ZNF516: variants seen among roughly 807,000 people sequenced by gnomAD.
ZNF516 encodes zinc finger protein 516.
A neutral mutation model predicts 79.7 loss-of-function variants in ZNF516; 19 were observed. The observed-to-expected ratio is 0.24, with a 90% CI of 0.17 to 0.35. The LOEUF (loss-of-function observed/expected upper bound fraction) is 0.35, where lower values mean the gene tolerates loss of function less well. Ranked by LOEUF, ZNF516 falls within the 10% of genes least tolerant of loss-of-function variation. The pLI is 1.00. For synonymous variants in ZNF516, 877 were observed against 739.5 expected, an observed-to-expected ratio of 1.19 and a Z score of -3.02; for missense variants, 1,678 against 1,679.5, an observed-to-expected ratio of 1.00 and a Z score of 0.02.
rs760947870 is a variant in ZNF516 at position 76,443,016 on chromosome 18, T to C, written c.39A>G (p.Arg13=). 40 of 1,598,142 alleles carry C rather than the reference T, an allele frequency of 2.5e-5. No homozygotes were observed. The highest frequency in any genetic ancestry group is 5.1e-5 in the Admixed American group (3 of 59,346). ...GGCCGGCCCTGGTGGGGCTGGGGCC[T>C]CGCCTCAGCTCCATCTCGGCCTCTC... ...RNREAEMELR[R]GPSPTRAGRG... Residue 13 remains arginine (R), a synonymous_variant, in exon 3 of 7, where the codon CGA becomes CGG. Coordinates refer to ENST00000443185, the MANE Select transcript of ZNF516 (RefSeq NM_014643.4).
At position 76,371,479 on chromosome 18, in the gene ZNF516, G is replaced by C. The variant is rs374264106; in HGVS notation, c.3352C>G (p.Arg1118Gly). Residue 1118 changes from arginine (R) to glycine (G), a missense_variant, in exon 5 of 7, where the codon CGG (arginine) becomes GGG (glycine). Physicochemically the swap from Arg to Gly is moderately radical, Grantham distance 125. This residue lies in a region of ZNF516 where 1,294 missense variants were observed against 1,248.3 expected (regional missense o/e 1.04). Coordinates refer to ENST00000443185, the MANE Select transcript of ZNF516 (RefSeq NM_014643.4). ...GGGAGGGCGATACCTGAGTGTGCCC[G>C]CATGTGGGCCCTGAGGTGGCCGGGC... ...HQPGHLRAHM[R>G]AHSVVFESDG... 2.0e-4 allele frequency: 318 copies of C among 1,607,546 alleles called. 3 individuals are homozygous for C. The East Asian group carries it at 5.4e-3, about 27-fold the overall frequency.
rs147369886 is a variant in ZNF516, at chr18:76,457,169, A to G, written c.-158+5859T>C. On this transcript the variant is annotated intron_variant, in intron 2 of 6. Coordinates refer to ENST00000443185, the MANE Select transcript of ZNF516 (RefSeq NM_014643.4). ...ATTACACCACATGTATGTGGCAAAGAAAATGATCTACAAATGCTCCTTGCA... is the reference window on the plus strand; with the variant it reads ...ATTACACCACATGTATGTGGCAAAGGAAATGATCTACAAATGCTCCTTGCA... 1.3e-3 allele frequency among the ~76,000 whole-genome samples: 192 copies of G among 152,376 alleles called. 2 individuals are homozygous for G. The highest frequency in any genetic ancestry group is 4.2e-3 in the African/African-American group (175 of 41,592).
At chr18:76,480,867 GAA>G (rs1914486193) in intron 1 of ZNF516, among the ~76,000 whole-genome samples, 2 of 152,166 alleles carry the variant, frequency 1.3e-5, no homozygotes, top group African/African-American at 2.4e-5. Flanking sequence ...AAAATCAAAA[GAA>G]GAGTATTTTG....
At chr18:76,418,972 GAC>G (rs2075472106) in intron 3 of ZNF516, among the ~76,000 whole-genome samples, 1 of 152,238 alleles carries the variant, frequency 6.6e-6, no homozygotes, top group African/African-American at 2.4e-5. Context: ...AAAAATGTGA[GAC>G]ACAGAGCAAG....
intron 3 of ZNF516, among the ~76,000 whole-genome samples, chr18:76,382,260 A>G (rs890314332): frequency 6.6e-6 from 1 of 152,226 alleles, no homozygotes; most frequent in African/African-American, 2.4e-5. Context: ...GCTAGGATGC[A>G]CCACGGATAA....
At chr18:76,400,139 C>A (rs1343480123) in intron 3 of ZNF516, among the ~76,000 whole-genome samples, 1 of 152,024 alleles carries the variant, frequency 6.6e-6, no homozygotes, top group African/African-American at 2.4e-5. Flanking sequence ...TCAGAGTGAG[C>A]AACTGGAAGG....
chr18:76,486,377 A>AG (rs3078905), intron 1 of ZNF516, among the ~76,000 whole-genome samples: 2 of 150,708 alleles, frequency 1.3e-5, no homozygotes, highest in Non-Finnish European at 3.0e-5. Flanking sequence ...TCTGAAACAA[A>AG]AAAATTCCTA....
At chr18:76,412,966 C>G (rs888084600) in intron 3 of ZNF516, among the ~76,000 whole-genome samples, 5 of 152,250 alleles carry the variant, frequency 3.3e-5, no homozygotes, top group African/African-American at 1.2e-4. Context: ...CACTGCACGC[C>G]ACCGCGGCCC....
rs369466599 is a variant in ZNF516 at position 76,442,758 on chromosome 18, C to T, written c.297G>A (p.Glu99=). 2,413 of 1,589,218 alleles carry T rather than the reference C, an allele frequency of 1.5e-3. 26 individuals are homozygous for T. The African/African-American group carries it at 0.026, about 17-fold the overall frequency. The change falls in exon 3 of 7, where the codon GAG becomes GAA. Residue 99 remains glutamate (E), a synonymous_variant. Transcript: ENST00000443185. ...LIQGHEPEAG[E]APLGEMRASE... ...AGGCGCGCATCTCACCCAGCGGCGC[C>T]TCGCCCGCCTCCGGCTCGTGTCCCT... is the stretch of plus-strand genomic sequence containing the variant.
intron 3 of ZNF516, among the ~76,000 whole-genome samples, chr18:76,396,610 T>C (rs1455793561): frequency 6.6e-6 from 1 of 152,184 alleles, no homozygotes; most frequent in Non-Finnish European, 1.5e-5. Flanking sequence ...GGAAACTTGA[T>C]GAAATCAGGC....
intron 3 of ZNF516, among the ~76,000 whole-genome samples, chr18:76,395,746 G>A (rs369767373): frequency 3.3e-5 from 5 of 151,830 alleles, no homozygotes; most frequent in African/African-American, 7.3e-5. Flanking sequence ...AGCACGTGCC[G>A]AGGAAATGAA....
At chr18:76,410,614 GA>G (rs1471220430) in intron 3 of ZNF516, among the ~76,000 whole-genome samples, 2 of 152,122 alleles carry the variant, frequency 1.3e-5, no homozygotes, top group Non-Finnish European at 2.9e-5. Flanking sequence ...AAAACCCTAT[GA>G]TTTTTAAAAA....
chr18:76,473,935 G>C (rs1030178012), intron 1 of ZNF516, among the ~76,000 whole-genome samples: 4 of 136,088 alleles, frequency 2.9e-5, no homozygotes, highest in Non-Finnish European at 6.5e-5. Flanking sequence ...TTTGAGACAG[G>C]GTCTTACTCT....
At chr18:76,455,149 T>TG (rs1912643373) in intron 2 of ZNF516, among the ~76,000 whole-genome samples, 1 of 152,168 alleles carries the variant, frequency 6.6e-6, no homozygotes, top group African/African-American at 2.4e-5. Flanking sequence ...GTCACACAGT[T>TG]GCTTTGCGAA....
rs1915334337 is a variant in ZNF516 at position 76,493,127 on chromosome 18, GTT to G, written c.-272+2015_-272+2016del. 1 of 984,648 alleles carries G rather than the reference GTT, an allele frequency of 1.0e-6. No individual in the cohort carries two copies. Among genetic ancestry groups the G allele is most frequent in the African/African-American group, 1.8e-5 (1 of 56,964 alleles). The allele number at this position is 984,648 out of a possible 1,614,324, so 61.0% of individuals were successfully genotyped here. On this transcript the variant is annotated intron_variant, in intron 1 of 6. Coordinates refer to ENST00000443185, the MANE Select transcript of ZNF516 (RefSeq NM_014643.4). The surrounding 1 kb of genome is among the most constrained non-coding windows in gnomAD (Gnocchi z 5.2). ...TTTTTTTCCTCCTCTCCTCCCTACC[GTT>G]TCATTTAATGGTAAAACAACAGCAG...
intron 3 of ZNF516, among the ~76,000 whole-genome samples, chr18:76,403,554 T>C (rs1056088183): frequency 1.3e-5 from 2 of 152,142 alleles, no homozygotes; most frequent in African/African-American, 4.8e-5. Context: ...GACTGTACAA[T>C]GAGATACAGA....
At chr18:76,406,623 C>CATCTCCCCTAA (rs927541444) in intron 3 of ZNF516, among the ~76,000 whole-genome samples, 4 of 152,224 alleles carry the variant, frequency 2.6e-5, no homozygotes, top group African/African-American at 9.6e-5. Context: ...CCGCGCTCCA[C>CATCTCCCCTAA]ATCTCCCCTA....
In ZNF516 at chr18:76,442,951, G is replaced by A; in HGVS notation, c.104C>T (p.Thr35Ile). Reference protein sequence around the residue: ...EVDGDKATCHTCCICGKSFPF... With the variant: ...EVDGDKATCHICCICGKSFPF... ...GAAGCTCTTGCCGCAGATGCAGCAG[G>A]TGTGGCAGGTAGCCTTGTCCCCATC... Residue 35 changes from threonine to isoleucine, a missense_variant, in exon 3 of 7, where the codon ACC (threonine) becomes ATC (isoleucine). Thr to Ile is a moderately conservative substitution (Grantham distance 89). This residue lies in a region of ZNF516 where 62 missense variants were observed against 58.9 expected (regional missense o/e 1.05). Transcript: ENST00000443185. 1 of 1,609,568 alleles carries A rather than the reference G, an allele frequency of 6.2e-7. No individual in the cohort carries two copies.
At chr18:76,407,013 C>T (rs1265458094) in intron 3 of ZNF516, among the ~76,000 whole-genome samples, 1 of 152,308 alleles carries the variant, frequency 6.6e-6, no homozygotes, top group East Asian at 1.9e-4. Flanking sequence ...TGAGACCTCG[C>T]CCAGACAGAA....
Sources: allele counts gnomAD v4.1 joint callset (sites outside exome capture counted in the v4.1 genomes callset), GRCh38; gene constraint gnomAD v4.1.1; regional missense constraint gnomAD v4.1.1; non-coding constraint Gnocchi (gnomAD v3.1); transcripts MANE v1.5; gene names NCBI Gene and HGNC (gene_info 2026-07-23, HGNC 2026-07-21).